The following CADM1 variants were observed in gnomAD, a reference collection of about 807,000 sequenced individuals.
CADM1 encodes TSLC-1.
CADM1 carries 15 observed loss-of-function variants against 53.1 expected under a neutral mutation model. The observed-to-expected ratio is 0.28, with a 90% CI of 0.19 to 0.44. The LOEUF (loss-of-function observed/expected upper bound fraction) is 0.44, where lower values mean the gene tolerates loss of function less well. Ranked by LOEUF, CADM1 falls within the 20% of genes least tolerant of loss-of-function variation. CADM1 has a pLI of 1.00. For missense variants in CADM1, 434 were observed against 611.3 expected (o/e 0.71, Z 3.06); for synonymous variants, 281 against 243.0 (o/e 1.16, Z -1.45).
chr11:115,345,323 T>C (rs1268716391), intron 1 of CADM1, among the ~76,000 whole-genome samples: 1 of 152,174 alleles, frequency 6.6e-6, no homozygotes, highest in Non-Finnish European at 1.5e-5. Flanking sequence ...TACACACAGA[T>C]GTACCCCTCC....
chr11:115,308,187 T>C lies in CADM1; in HGVS notation c.125-67767A>G, dbSNP rs1230928279. On this transcript the variant is annotated intron_variant, in intron 1 of 11. Coordinates refer to ENST00000331581, the MANE Select transcript of CADM1 (RefSeq NM_001301043.2). ...TGTGTGTGTGTGTGTATATCACTCA[T>C]AGGTGTGTATATATATATATATATA... Among the ~76,000 whole-genome samples, 6 of 95,350 alleles carry C rather than the reference T, an allele frequency of 6.3e-5. No homozygotes were observed. In the Admixed American group the frequency reaches 7.0e-4, roughly 11 times the overall value. 62.6% of individuals were successfully genotyped at this position (95,350 alleles called of 152,430 possible).
intron 5 of CADM1, among the ~76,000 whole-genome samples, chr11:115,218,837 G>A (rs1941294519): frequency 6.6e-6 from 1 of 152,146 alleles, no homozygotes; most frequent in African/African-American, 2.4e-5. Context: ...AACTGTATTT[G>A]TCAGTGTGGG....
In CADM1 at chr11:115,175,105, AAC is replaced by A. The variant is rs1938962753; in HGVS notation, c.*1367_*1368del. ...AGTGTATGAAAGGTAAAAAGATAAAAACACTCACATTTGAGTTTTGATTAAGT... is the reference window on the plus strand; with the variant it reads ...AGTGTATGAAAGGTAAAAAGATAAAAACTCACATTTGAGTTTTGATTAAGT... On this transcript the variant is annotated 3_prime_UTR_variant, in exon 12 of 12. Transcript: ENST00000331581. 14 of 985,730 alleles carry A rather than the reference AAC, an allele frequency of 1.4e-5. No individual in the cohort carries two copies. In the South Asian group the frequency reaches 5.6e-4, roughly 40 times the overall value. The allele number at this position is 985,730 out of a possible 1,614,324, so 61.1% of individuals were successfully genotyped here.
Position 115,178,687 on chromosome 11 carries a change from C to G in CADM1, c.1254G>C (p.Leu418=). 6.2e-7 allele frequency: 1 copy of G among 1,613,716 alleles called. No individual in the cohort carries two copies. Among genetic ancestry groups the G allele is most frequent in the Non-Finnish European group, 8.5e-7 (1 of 1,179,990 alleles). ...AGCGCCCCAGAATGATGAGCAAGCA[C>G]AGCATGGCGAACACCACCACCGCCA... is the stretch of plus-strand genomic sequence containing the variant. ...GVVAVVVFAM[L]CLLIILGRYF... The change falls in exon 11 of 12, where the codon CTG becomes CTC. Residue 418 remains leucine, a synonymous_variant. Transcript: ENST00000331581.
In CADM1 at chr11:115,239,821, T is replaced by C. The variant is rs1445769957; in HGVS notation, c.271+453A>G. Among the ~76,000 whole-genome samples, 17 of 152,298 alleles carry C rather than the reference T, an allele frequency of 1.1e-4. No homozygotes were observed. The East Asian group carries it at 3.3e-3, about 29-fold the overall frequency. On this transcript the variant is annotated intron_variant, in intron 2 of 11. Coordinates refer to ENST00000331581, the MANE Select transcript of CADM1 (RefSeq NM_001301043.2). ...CATTGCAATTTTGTTTTTTGTGATA[T>C]TACATTTGGAAAGATTTCAGCATGT...
At chr11:115,305,146 A>C (rs1408890964) in intron 1 of CADM1, among the ~76,000 whole-genome samples, 1 of 151,940 alleles carries the variant, frequency 6.6e-6, no homozygotes, top group Admixed American at 6.6e-5. Flanking sequence ...CCGAAATCCA[A>C]ATCACCCGGA....
intron 1 of CADM1, among the ~76,000 whole-genome samples, chr11:115,461,356 T>C (rs1948791563): frequency 6.6e-6 from 1 of 152,130 alleles, no homozygotes; most frequent in Non-Finnish European, 1.5e-5. Flanking sequence ...TGGGAGAAGA[T>C]AAAAGCTGAA....
Position 115,176,019 on chromosome 11 carries a change from A to G in CADM1, c.*455T>C, listed in dbSNP as rs1476367122. 3.8e-6 allele frequency: 4 copies of G among 1,049,904 alleles called. No individual in the cohort carries two copies. In the African/African-American group the frequency reaches 6.9e-5, roughly 18 times the overall value. The allele number at this position is 1,049,904 out of a possible 1,614,324, so 65.0% of individuals were successfully genotyped here. A position where few individuals can be genotyped will look rare whatever the true frequency, so the allele number is the denominator to read the frequency against. ...CCATAAAAATAAACAAAAGTAAAAA[A>G]CTAGAACAGAAAAGGGAAGGAAAAG... is the stretch of plus-strand genomic sequence containing the variant. On this transcript the variant is annotated 3_prime_UTR_variant, in exon 12 of 12. Coordinates refer to ENST00000331581, the MANE Select transcript of CADM1 (RefSeq NM_001301043.2).
intron 1 of CADM1, among the ~76,000 whole-genome samples, chr11:115,457,845 A>G (rs1462653515): frequency 6.6e-6 from 1 of 152,170 alleles, no homozygotes; most frequent in Non-Finnish European, 1.5e-5. Flanking sequence ...CTAATGAATA[A>G]GTGCATTCTG....
At chr11:115,200,826 T>G (rs942276245) in intron 8 of CADM1, among the ~76,000 whole-genome samples, 4 of 152,152 alleles carry the variant, frequency 2.6e-5, no homozygotes, top group Admixed American at 2.0e-4. Flanking sequence ...AATACTTAAG[T>G]ACAAATGATA....
At chr11:115,497,889 C>T (rs1949654637) in intron 1 of CADM1, among the ~76,000 whole-genome samples, 1 of 151,674 alleles carries the variant, frequency 6.6e-6, no homozygotes, top group African/African-American at 2.4e-5. Flanking sequence ...ATGCATAATT[C>T]CCTGTTTGTC....
At chr11:115,204,043 A>C (rs1048537995) in intron 8 of CADM1, among the ~76,000 whole-genome samples, 4 of 152,230 alleles carry the variant, frequency 2.6e-5, no homozygotes, top group Admixed American at 2.6e-4. Context: ...ATATTCCATA[A>C]ATGCTGAATG....
At position 115,175,770 on chromosome 11, in the gene CADM1, C is replaced by T. The variant is rs559899038; in HGVS notation, c.*704G>A. On this transcript the variant is annotated 3_prime_UTR_variant, in exon 12 of 12. Transcript: ENST00000331581. The stretch of plus-strand genomic sequence containing the variant: ...ATAACCCTGTACAGTAATGTAGTTC[C>T]ACAGCAAACAGAACATTTTCTGAAT... 27 of 992,910 alleles carry T rather than the reference C, an allele frequency of 2.7e-5. No individual in the cohort carries two copies. In the African/African-American group the frequency reaches 4.5e-4, roughly 17 times the overall value. The allele number at this position is 992,910 out of a possible 1,614,324, so 61.5% of individuals were successfully genotyped here. A position where few individuals can be genotyped will look rare whatever the true frequency, so the allele number is the denominator to read the frequency against.
At chr11:115,267,764 TA>T (rs1396562977) in intron 1 of CADM1, among the ~76,000 whole-genome samples, 4 of 151,286 alleles carry the variant, frequency 2.6e-5, no homozygotes, top group Non-Finnish European at 1.5e-5. Flanking sequence ...TTGGTTCCTT[TA>T]AAAAATATGA....
rs768937947 is a variant in CADM1 at position 115,209,655 on chromosome 11, G to C, written c.997C>G (p.Pro333Ala). Residue 333 changes from proline to alanine, a missense_variant and splice_region_variant, in exon 8 of 12, where the codon CCC (proline) becomes GCC (alanine). By Grantham distance (27) the Pro-to-Ala change is conservative (BLOSUM62 -1). This residue lies in a region of CADM1 where 311 missense variants were observed against 435.1 expected (regional missense o/e 0.71). Transcript: ENST00000331581. ...HSDYMLYVYD[P>A]PTTIPPPTTT... ...GTGGGAGGAGGGATAGTTGTGGGGGGATCTGGATAGAAAAAAAAAGGAAAA... is the reference window on the plus strand; with the variant it reads ...GTGGGAGGAGGGATAGTTGTGGGGGCATCTGGATAGAAAAAAAAAGGAAAA... 7 of 1,612,300 alleles carry C rather than the reference G, an allele frequency of 4.3e-6. No homozygotes were observed. Among genetic ancestry groups the C allele is most frequent in the Admixed American group, 1.7e-5 (1 of 59,912 alleles).
chr11:115,176,698 C>A (rs1176636730), intron 11 of CADM1, 106 bp from the exon 12 acceptor site: 9 of 944,138 alleles, frequency 9.5e-6, no homozygotes, highest in Admixed American at 6.8e-5. Context: ...AAGTGGTGTG[C>A]AGGCAGCAGA....
chr11:115,480,813 T>A (rs570330949), intron 1 of CADM1, among the ~76,000 whole-genome samples: 1 of 152,234 alleles, frequency 6.6e-6, no homozygotes, highest in Non-Finnish European at 1.5e-5. Flanking sequence ...TCTCCCTCCC[T>A]CCAGGCCTCA....
intron 1 of CADM1, among the ~76,000 whole-genome samples, chr11:115,249,096 A>G (rs1942505957): frequency 6.6e-6 from 1 of 152,216 alleles, no homozygotes; most frequent in Non-Finnish European, 1.5e-5. Context: ...AAAAAAGAAT[A>G]AAAGAATAGT....
intron 5 of CADM1, among the ~76,000 whole-genome samples, chr11:115,228,791 AAG>A (rs1182242684): frequency 1.3e-5 from 2 of 152,168 alleles, no homozygotes; most frequent in Admixed American, 1.3e-4. Flanking sequence ...GGGATAAAAA[AAG>A]GGGGAAAATT....
Sources: gnomAD v4.1 joint callset for allele counts (sites outside exome capture counted in the v4.1 genomes callset) on GRCh38, gnomAD v4.1.1 for gene constraint, gnomAD v4.1.1 regional missense constraint, MANE v1.5 for transcripts, NCBI Gene and HGNC (gene_info 2026-07-23, HGNC 2026-07-21) for gene names.